The following DPP10 variants were observed in gnomAD, a reference collection of about 807,000 sequenced individuals.
DPP10 encodes the protein inactive dipeptidyl peptidase 10.
A neutral mutation model predicts 120.9 loss-of-function variants in DPP10; 33 were observed. That is an observed-to-expected ratio of 0.27 (90% CI 0.21 to 0.37). The LOEUF is 0.37. DPP10 is among the 10% of genes least tolerant of loss of function. The pLI is 1.00. For missense variants in DPP10, 816 were observed against 942.8 expected (o/e 0.87, Z 1.76); for synonymous variants, 337 against 326.1 (o/e 1.03, Z -0.36).
chr2:115,270,066 TCA>T (rs57649162), intron 1 of DPP10, among the ~76,000 whole-genome samples: 28,901 of 130,256 alleles, frequency 0.22, 3,264 homozygotes, highest in Non-Finnish European at 0.28. Context: ...TAGGTATACT[TCA>T]CACACACACA....
intron 1 of DPP10, among the ~76,000 whole-genome samples, chr2:115,030,075 CAG>C (rs1703735024): frequency 6.6e-6 from 1 of 152,154 alleles, no homozygotes; most frequent in South Asian, 2.1e-4. Context: ...TTCTTCAACT[CAG>C]AGATACCTCA....
intron 8 of DPP10, among the ~76,000 whole-genome samples, chr2:115,728,662 G>C (rs1183816620): frequency 6.6e-6 from 1 of 152,114 alleles, no homozygotes; most frequent in Non-Finnish European, 1.5e-5. Context: ...CATTCAAAAA[G>C]TGAATTTTAT....
At chr2:114,708,994 G>T (rs1163357469) in intron 1 of DPP10, among the ~76,000 whole-genome samples, 1 of 152,078 alleles carries the variant, frequency 6.6e-6, no homozygotes, top group Non-Finnish European at 1.5e-5. Context: ...GGCCTCAAGG[G>T]ACCCACCCGC....
chr2:114,848,140 A>G (rs1688683294), intron 1 of DPP10, among the ~76,000 whole-genome samples: 1 of 152,178 alleles, frequency 6.6e-6, no homozygotes, highest in South Asian at 2.1e-4. Flanking sequence ...AGTTTATAAA[A>G]CAGAACATAG....
intron 3 of DPP10, among the ~76,000 whole-genome samples, chr2:115,362,060 G>A (rs1038386233): frequency 2.0e-5 from 3 of 151,948 alleles, no homozygotes; most frequent in Non-Finnish European, 2.9e-5. Flanking sequence ...GTGTGTTTGT[G>A]CATTTCTTTA....
chr2:115,388,054 A>G (rs530856563), intron 3 of DPP10, among the ~76,000 whole-genome samples: 20 of 152,350 alleles, frequency 1.3e-4, no homozygotes, highest in African/African-American at 4.3e-4. Context: ...CAAAGGTTAA[A>G]AAATATATAT....
intron 1 of DPP10, among the ~76,000 whole-genome samples, chr2:115,198,399 CAT>C (rs1048058619): frequency 5.9e-5 from 9 of 152,256 alleles, no homozygotes; most frequent in African/African-American, 2.2e-4. Flanking sequence ...CTGAATTTGG[CAT>C]GTGTGTGTGT....
intron 1 of DPP10, among the ~76,000 whole-genome samples, chr2:114,569,727 A>G (rs908562523): frequency 3.5e-4 from 53 of 150,538 alleles, no homozygotes; most frequent in African/African-American, 1.3e-3. Context: ...GGAAAATGGT[A>G]AAGAGTCCTG....
intron 1 of DPP10, among the ~76,000 whole-genome samples, chr2:114,663,697 A>AGAGAGAGAGAGAGAGAGAGAGAC: frequency 6.8e-6 from 1 of 146,422 alleles, no homozygotes; most frequent in African/African-American, 2.6e-5. Flanking sequence ...AGAGAGAGAG[A>AGAGAGAGAGAGAGAGAGAGAGAC]AACTGACTGA....
intron 3 of DPP10, among the ~76,000 whole-genome samples, chr2:115,431,029 TATG>T (rs2070929358): frequency 6.6e-6 from 1 of 152,236 alleles, no homozygotes; most frequent in African/African-American, 2.4e-5. Context: ...GTTAAACAGA[TATG>T]ATACTAGCTT....
chr2:115,828,237 C>T (rs1004670756), intron 21 of DPP10, among the ~76,000 whole-genome samples: 2 of 151,758 alleles, frequency 1.3e-5, no homozygotes, highest in Admixed American at 1.3e-4. Context: ...AAGAATATGC[C>T]ATCATTCTTA....
intron 1 of DPP10, among the ~76,000 whole-genome samples, chr2:114,598,869 G>A (rs4849343): frequency 0.11 from 17,141 of 151,680 alleles, 1,034 homozygotes; most frequent in East Asian, 0.22. Flanking sequence ...ATTAGGAGGG[G>A]CAGATATACA....
intron 1 of DPP10, among the ~76,000 whole-genome samples, chr2:115,100,459 A>AACACACACAC (rs142076600): frequency 6.7e-6 from 1 of 150,370 alleles, no homozygotes. Context: ...TAAATTAAAA[A>AACACACACAC]ACACACACAC....
intron 3 of DPP10, among the ~76,000 whole-genome samples, chr2:115,475,647 A>G (rs1287266134): frequency 6.6e-6 from 1 of 152,224 alleles, no homozygotes; most frequent in Non-Finnish European, 1.5e-5. Flanking sequence ...TTAGCCTGGA[A>G]GAGCCACAGG....
chr2:115,225,082 A>G (rs1026859712), intron 1 of DPP10, among the ~76,000 whole-genome samples: 2 of 152,174 alleles, frequency 1.3e-5, no homozygotes, highest in African/African-American at 4.8e-5. Context: ...TTTGATTTTT[A>G]TCCTAAAATA....
At chr2:114,684,422 G>A (rs901258923) in intron 1 of DPP10, among the ~76,000 whole-genome samples, 2 of 151,960 alleles carry the variant, frequency 1.3e-5, no homozygotes, top group Non-Finnish European at 2.9e-5. Flanking sequence ...AAAAGGGAGA[G>A]ACAAAAGGGG....
At chr2:115,239,430 C>T (rs2058160821) in intron 1 of DPP10, among the ~76,000 whole-genome samples, 1 of 152,160 alleles carries the variant, frequency 6.6e-6, no homozygotes, top group South Asian at 2.1e-4. Flanking sequence ...CCTGATCAGT[C>T]AGCAGCTAGT....
At chr2:115,422,619 A>G (rs2070081639) in intron 3 of DPP10, among the ~76,000 whole-genome samples, 1 of 152,210 alleles carries the variant, frequency 6.6e-6, no homozygotes, top group African/African-American at 2.4e-5. Context: ...TCATTGAATA[A>G]TCACATTTTA....
intron 1 of DPP10, among the ~76,000 whole-genome samples, chr2:114,772,620 TTC>T (rs1681369573): frequency 6.6e-6 from 1 of 152,214 alleles, no homozygotes; most frequent in Admixed American, 6.5e-5. Context: ...AGGATTAATT[TTC>T]CATATCTCAT....
Sources: allele counts gnomAD v4.1 joint callset (sites outside exome capture counted in the v4.1 genomes callset), GRCh38; gene constraint gnomAD v4.1.1; transcripts MANE v1.5; gene names NCBI Gene and HGNC (gene_info 2026-07-23, HGNC 2026-07-21).